Variants in SLC39A11 observed in about 807,000 individuals in gnomAD.
The protein encoded by SLC39A11 is solute carrier family 39 member 11.
In SLC39A11, 33 loss-of-function variants were observed where a neutral mutation model predicts 36.1. The observed-to-expected ratio is 0.91, with a 90% CI of 0.69 to 1.22. The LOEUF (loss-of-function observed/expected upper bound fraction) is 1.22. SLC39A11 is among the 50% of genes most tolerant of loss of function. The pLI is 0.00. For missense variants in SLC39A11, 432 were observed against 430.3 expected (o/e 1.00, Z -0.03); for synonymous variants, 166 against 170.3 (o/e 0.97, Z 0.20).
At chr17:72,840,822 G>A (rs1261814113) in intron 6 of SLC39A11, among the ~76,000 whole-genome samples, 2 of 151,964 alleles carry the variant, frequency 1.3e-5, no homozygotes, top group South Asian at 2.1e-4. Flanking sequence ...CTGGGAGGCC[G>A]AGGCAGGCAG....
At chr17:72,734,507 A>G (rs1330042568) in intron 7 of SLC39A11, among the ~76,000 whole-genome samples, 2 of 152,230 alleles carry the variant, frequency 1.3e-5, no homozygotes, top group African/African-American at 4.8e-5. Flanking sequence ...GAGGCTGAAA[A>G]CACCAAGGCC....
At chr17:72,702,299 C>T (rs1354618648) in intron 7 of SLC39A11, among the ~76,000 whole-genome samples, 1 of 152,108 alleles carries the variant, frequency 6.6e-6, no homozygotes, top group African/African-American at 2.4e-5. Context: ...ACATAGTAGG[C>T]CTTCAAGTGC....
chr17:72,771,193 T>C (rs1327213368), intron 6 of SLC39A11, among the ~76,000 whole-genome samples: 1 of 151,966 alleles, frequency 6.6e-6, no homozygotes, highest in Non-Finnish European at 1.5e-5. Flanking sequence ...AAGACCAGCC[T>C]GGGCAACATG....
chr17:72,742,202 C>CAAAAAAAAAAGAGTATCCTACGTGA (rs34639707), intron 6 of SLC39A11, among the ~76,000 whole-genome samples: 1 of 150,242 alleles, frequency 6.7e-6, no homozygotes, highest in African/African-American at 2.4e-5. Flanking sequence ...GACTCCATCT[C>CAAAAAAAAAAGAGTATCCTACGTGA]AAAAAAAAAG....
intron 5 of SLC39A11, among the ~76,000 whole-genome samples, chr17:72,855,107 A>T (rs1457181081): frequency 1.3e-5 from 2 of 152,230 alleles, no homozygotes; most frequent in African/African-American, 4.8e-5. Flanking sequence ...TGGATCAGCA[A>T]CCGCCTTTGA....
At chr17:72,845,262 T>C (rs983743533) in intron 6 of SLC39A11, among the ~76,000 whole-genome samples, 2 of 152,248 alleles carry the variant, frequency 1.3e-5, no homozygotes, top group African/African-American at 4.8e-5. Context: ...AACATTCTTA[T>C]GCCTCCAAGT....
At chr17:73,063,317 G>A (rs2144300102) in intron 3 of SLC39A11, among the ~76,000 whole-genome samples, 1 of 152,244 alleles carries the variant, frequency 6.6e-6, no homozygotes, top group South Asian at 2.1e-4. Context: ...TATACAGATT[G>A]ACCCCTTATG....
intron 6 of SLC39A11, among the ~76,000 whole-genome samples, chr17:72,759,576 G>A (rs1044008892): frequency 4.6e-5 from 7 of 152,136 alleles, no homozygotes; most frequent in Non-Finnish European, 1.0e-4. Context: ...TACTCAGTGG[G>A]TATAAATTAA....
chr17:73,029,460 A>AC (rs2058671574), intron 4 of SLC39A11, among the ~76,000 whole-genome samples: 1 of 152,004 alleles, frequency 6.6e-6, no homozygotes, highest in South Asian at 2.1e-4. Context: ...TTCACACAAA[A>AC]CCAGGGTGGC....
chr17:72,959,692 A>G (rs2086489545), intron 4 of SLC39A11, among the ~76,000 whole-genome samples: 3 of 152,026 alleles, frequency 2.0e-5, no homozygotes, highest in Admixed American at 2.0e-4. Context: ...ACCAAATACC[A>G]CCTGTACCCC....
At chr17:72,730,116 T>G (rs962055793) in intron 7 of SLC39A11, among the ~76,000 whole-genome samples, 3 of 152,212 alleles carry the variant, frequency 2.0e-5, no homozygotes, top group Non-Finnish European at 4.4e-5. Flanking sequence ...AGTTTATATA[T>G]GTCCACTGCA....
intron 7 of SLC39A11, among the ~76,000 whole-genome samples, chr17:72,673,399 G>A (rs1029038974): frequency 1.3e-5 from 2 of 152,236 alleles, no homozygotes; most frequent in South Asian, 2.1e-4. Flanking sequence ...CACCGTGCCC[G>A]GCCTCTTTCT....
chr17:73,089,433 T>G (rs2060852375), intron 1 of SLC39A11, among the ~76,000 whole-genome samples: 2 of 152,082 alleles, frequency 1.3e-5, no homozygotes, highest in African/African-American at 2.4e-5. Context: ...TTCATGCAGT[T>G]CCCTCCTGGA....
intron 7 of SLC39A11, among the ~76,000 whole-genome samples, chr17:72,665,558 A>G (rs535518924): frequency 2.2e-4 from 33 of 151,632 alleles, no homozygotes; most frequent in African/African-American, 8.0e-4. Context: ...ATTTTTTAAA[A>G]ATTACTTTTA....
intron 3 of SLC39A11, among the ~76,000 whole-genome samples, chr17:73,082,265 T>C (rs1349384666): frequency 6.6e-6 from 1 of 151,758 alleles, no homozygotes; most frequent in Non-Finnish European, 1.5e-5. Context: ...CTATTAGTGA[T>C]AGGAAAGAGA....
Position 72,959,311 on chromosome 17 carries a change from ATGTGTGTGTGTG to A in SLC39A11, c.307-11448_307-11437del, listed in dbSNP as rs1214552224. ...AGTGGACAAAGAAACTGGTGTATGT[ATGTGTGTGTGTG>A]TGTATATATATATATATATATATAT... On this transcript the variant is annotated intron_variant, in intron 4 of 9. Coordinates refer to ENST00000255559, the MANE Select transcript of SLC39A11 (RefSeq NM_139177.4). Among the ~76,000 whole-genome samples, 3 of 92,590 alleles carry A rather than the reference ATGTGTGTGTGTG, an allele frequency of 3.2e-5. No individual in the cohort carries two copies. The East Asian group carries it at 8.9e-4, about 28-fold the overall frequency. 60.7% of individuals were successfully genotyped at this position (92,590 alleles called of 152,430 possible).
At chr17:72,680,037 G>A (rs1261177628) in intron 7 of SLC39A11, among the ~76,000 whole-genome samples, 1 of 88,140 alleles carries the variant, frequency 1.1e-5, no homozygotes, top group African/African-American at 6.2e-5. Context: ...GTGAGACTCT[G>A]TCTCAAAAAA....
At chr17:72,652,761 C>G (rs2069910091) in intron 7 of SLC39A11, among the ~76,000 whole-genome samples, 1 of 152,182 alleles carries the variant, frequency 6.6e-6, no homozygotes, top group Non-Finnish European at 1.5e-5. Context: ...TCCATCGGCA[C>G]TCACTCATTT....
At chr17:72,899,005 G>A (rs1182367297) in intron 5 of SLC39A11, among the ~76,000 whole-genome samples, 1 of 148,982 alleles carries the variant, frequency 6.7e-6, no homozygotes, top group Non-Finnish European at 1.5e-5. Context: ...CCACTTGACC[G>A]ACCCCCATCA....
Sources: gnomAD v4.1 joint callset for allele counts (sites outside exome capture counted in the v4.1 genomes callset) on GRCh38, gnomAD v4.1.1 for gene constraint, MANE v1.5 for transcripts, NCBI Gene and HGNC (gene_info 2026-07-23, HGNC 2026-07-21) for gene names.